UBR3: variants seen among roughly 807,000 people sequenced by gnomAD.
The protein encoded by UBR3 is E3 ubiquitin-protein ligase UBR3.
Under a neutral mutation model 243.2 loss-of-function variants are expected in UBR3, and 85 were observed. The observed-to-expected ratio is 0.35, with a 90% CI of 0.29 to 0.42. The LOEUF (loss-of-function observed/expected upper bound fraction) is 0.42, where lower values mean the gene tolerates loss of function less well. UBR3 is among the 10% of genes least tolerant of loss of function. The pLI is 1.00. For missense variants in UBR3, 1,686 were observed against 2,300.8 expected, an observed-to-expected ratio of 0.73 and a Z score of 5.47; for synonymous variants, 748 against 799.8, an observed-to-expected ratio of 0.94 and a Z score of 1.09.
intron 1 of UBR3, among the ~76,000 whole-genome samples, chr2:169,863,810 A>G (rs1023031279): frequency 6.6e-6 from 1 of 152,214 alleles, no homozygotes; most frequent in African/African-American, 2.4e-5. Context: ...TTTAGGCGTT[A>G]TAAATGGAGT....
chr2:169,956,776 T>C (rs1050226732), intron 23 of UBR3, among the ~76,000 whole-genome samples: 1 of 152,222 alleles, frequency 6.6e-6, no homozygotes, highest in African/African-American at 2.4e-5. Flanking sequence ...TAAAAATTAC[T>C]GTATTTCATT....
In UBR3 at chr2:169,986,762, C is replaced by T; in HGVS notation, c.3752C>T (p.Thr1251Ile). ...QSGPSSEDRP[T>I]GLVVLLQASS... The stretch of plus-strand genomic sequence containing the variant: ...GGCCCCTCCTCTGAAGATCGACCTA[C>T]TGGATTAGTTGTACTGTTACAAGCA... The change falls in exon 25 of 39, where the codon ACT (threonine) becomes ATT (isoleucine). Residue 1251 changes from threonine to isoleucine, a missense_variant. Coordinates refer to ENST00000272793, the MANE Select transcript of UBR3 (RefSeq NM_172070.4). 1 of 1,614,074 alleles carries T rather than the reference C, an allele frequency of 6.2e-7. No individual in the cohort carries two copies. Among genetic ancestry groups the T allele is most frequent in the South Asian group, 1.1e-5 (1 of 91,070 alleles).
intron 11 of UBR3, among the ~76,000 whole-genome samples, chr2:169,914,899 T>G (rs2085400372): frequency 6.6e-6 from 1 of 151,806 alleles, no homozygotes; most frequent in Admixed American, 6.6e-5. Context: ...TTTAAAAAAT[T>G]TTTGACACAA....
Position 169,995,841 on chromosome 2 carries a change from G to A in UBR3, c.3918+1385G>A, listed in dbSNP as rs190836555. Among the ~76,000 whole-genome samples the A allele has an allele frequency of 1.5e-3, 225 of 152,136 alleles. 1 individual carries two copies. The highest frequency in any genetic ancestry group is 3.4e-3 in the Middle Eastern group (1 of 294). On this transcript the variant is annotated intron_variant, in intron 26 of 38. Transcript: ENST00000272793. The stretch of plus-strand genomic sequence containing the variant: ...CTTTAGTAGCAGCAGCATTGTTAAC[G>A]TCTTTTTAAAATTTCTGTATTCCTT...
At chr2:169,881,037 T>A (rs1231006597) in intron 5 of UBR3, among the ~76,000 whole-genome samples, 1 of 152,200 alleles carries the variant, frequency 6.6e-6, no homozygotes, top group East Asian at 1.9e-4. Context: ...TACTTTTTGA[T>A]GTTAACAACT....
chr2:169,943,860 AT>A (rs990480479), intron 20 of UBR3, among the ~76,000 whole-genome samples: 11 of 151,800 alleles, frequency 7.2e-5, no homozygotes, highest in African/African-American at 1.2e-4. Flanking sequence ...TAGGAATTTT[AT>A]TTTTTTTCTT....
chr2:169,964,557 A>G (rs1349061033), intron 24 of UBR3: 36 of 422,268 alleles, frequency 8.5e-5, no homozygotes, highest in South Asian at 6.3e-4. Flanking sequence ...CACTGGCTTT[A>G]AGGGAAATGG....
At chr2:170,015,081 T>C (rs980148420) in intron 29 of UBR3, 200 bp from the exon 30 acceptor site, 10 of 459,292 alleles carry the variant, frequency 2.2e-5, no homozygotes, top group Non-Finnish European at 3.9e-5. Flanking sequence ...TATGAACATA[T>C]AAGTAAGGAT....
chr2:170,019,931 AG>A (rs2105414847), intron 30 of UBR3, among the ~76,000 whole-genome samples: 1 of 152,104 alleles, frequency 6.6e-6, no homozygotes, highest in Non-Finnish European at 1.5e-5. Context: ...ACACACCATC[AG>A]GCCCGACTAA....
chr2:169,828,085 C>T, intron 1 of UBR3, 33 bp downstream of exon 1: 2 of 1,352,168 alleles, frequency 1.5e-6, no homozygotes, highest in South Asian at 1.7e-5. Flanking sequence ...GCGAGGCGAC[C>T]CTGGGCCGGG....
chr2:169,960,236 C>CAAAAAA (rs11461641), intron 24 of UBR3, among the ~76,000 whole-genome samples: 3 of 63,998 alleles, frequency 4.7e-5, no homozygotes, highest in Non-Finnish European at 6.6e-5. Flanking sequence ...GTGACAAGAG[C>CAAAAAA]AAAAAAAAAA....
At chr2:169,958,039 T>G (rs1369844746) in intron 23 of UBR3, among the ~76,000 whole-genome samples, 1 of 152,222 alleles carries the variant, frequency 6.6e-6, no homozygotes, top group East Asian at 1.9e-4. Context: ...CATCATAGCT[T>G]CTTCTAGCAA....
At chr2:170,069,110 A>T (rs1002263613) in intron 35 of UBR3, among the ~76,000 whole-genome samples, 6 of 152,164 alleles carry the variant, frequency 3.9e-5, no homozygotes, top group Admixed American at 3.9e-4. Flanking sequence ...GGAAGAAGGA[A>T]CACTTCTGAA....
At chr2:169,943,903 C>T (rs1381195218) in intron 20 of UBR3, among the ~76,000 whole-genome samples, 1 of 151,810 alleles carries the variant, frequency 6.6e-6, no homozygotes, top group Non-Finnish European at 1.5e-5. Flanking sequence ...TTTTAAATTT[C>T]TATACTTCTC....
intron 36 of UBR3, among the ~76,000 whole-genome samples, chr2:170,075,345 C>CAT (rs2091785130): frequency 1.3e-5 from 2 of 151,842 alleles, no homozygotes; most frequent in Admixed American, 1.3e-4. Context: ...TGCAGGATGA[C>CAT]ATGGAGTAAG....
intron 30 of UBR3, among the ~76,000 whole-genome samples, chr2:170,027,512 A>G (rs1229003619): frequency 6.6e-6 from 1 of 151,756 alleles, no homozygotes; most frequent in East Asian, 1.9e-4. Flanking sequence ...CTGTGGTTTC[A>G]ATGCAAAACA....
intron 24 of UBR3, among the ~76,000 whole-genome samples, chr2:169,975,481 G>C (rs1329454969): frequency 6.6e-6 from 1 of 152,166 alleles, no homozygotes; most frequent in Non-Finnish European, 1.5e-5. Context: ...GGCTTAAAGT[G>C]CAGTTTAAAT....
chr2:169,848,656 A>G (rs2082563307), intron 1 of UBR3, among the ~76,000 whole-genome samples: 1 of 151,816 alleles, frequency 6.6e-6, no homozygotes, highest in South Asian at 2.1e-4. Context: ...TGTTATATAT[A>G]TGAGTAATAT....
At chr2:169,962,083 C>T (rs1343811808) in intron 24 of UBR3, among the ~76,000 whole-genome samples, 1 of 151,994 alleles carries the variant, frequency 6.6e-6, no homozygotes, top group Non-Finnish European at 1.5e-5. Flanking sequence ...TTGGATTACT[C>T]ATTCTGGTGG....
Sources: gnomAD v4.1 joint callset for allele counts (sites outside exome capture counted in the v4.1 genomes callset) on GRCh38, gnomAD v4.1.1 for gene constraint, MANE v1.5 for transcripts, NCBI Gene and HGNC (gene_info 2026-07-23, HGNC 2026-07-21) for gene names.